Variants in UPF2 observed in about 807,000 individuals in gnomAD.
UPF2 encodes UPF2 regulator of nonsense mediated mRNA decay.
In UPF2, 17 loss-of-function variants were observed where a neutral mutation model predicts 141.4. The ratio of observed to expected loss-of-function variants is 0.12; its 90% CI spans 0.08 to 0.18. The LOEUF (loss-of-function observed/expected upper bound fraction) is 0.18, where lower values mean the gene tolerates loss of function less well. Among genes scored for constraint, UPF2 ranks in the 10% least tolerant of loss-of-function variants. The pLI is 1.00. For synonymous variants in UPF2, 540 were observed against 498.0 expected (o/e 1.08, Z -1.12); for missense variants, 1,152 against 1,515.9 (o/e 0.76, Z 3.99).
intron 8 of UPF2, among the ~76,000 whole-genome samples, chr10:11,986,131 G>A (rs1480477519): frequency 2.0e-5 from 3 of 151,784 alleles, no homozygotes; most frequent in African/African-American, 4.8e-5. Context: ...TGATCCGCCC[G>A]CCTCAGCCTC....
rs935515536 is a variant in UPF2, at chr10:12,019,721, GT to G, written c.1146-5538del. Among the ~76,000 whole-genome samples, 7 of 151,148 alleles carry G rather than the reference GT, an allele frequency of 4.6e-5. No homozygotes were observed. Among genetic ancestry groups the G allele is most frequent in the East Asian group, 1.9e-4 (1 of 5,146 alleles). ...ACGTCAGTCCTTGATTTTATGGAGT[GT>G]TTTTTTTTGTTTTGTTTTTGAGATG... On this transcript the variant is annotated intron_variant, in intron 3 of 21. Transcript: ENST00000357604. This position sits in a 1 kb window ranked among gnomAD's most constrained non-coding sequence, Gnocchi z 4.5.
Position 11,964,034 on chromosome 10 carries a change from G to C in UPF2, c.2159C>G (p.Ser720Cys). 1 of 1,613,846 alleles carries C rather than the reference G, an allele frequency of 6.2e-7. No homozygotes were observed. Among genetic ancestry groups the C allele is most frequent in the South Asian group, 1.1e-5 (1 of 91,048 alleles). Residue 720 changes from serine (S) to cysteine (C), a missense_variant, in exon 11 of 22, where the codon TCT becomes TGT. This residue lies in a region of UPF2 where 739 missense variants were observed against 1,032.2 expected (regional missense o/e 0.72). Coordinates refer to ENST00000357604, the MANE Select transcript of UPF2 (RefSeq NM_015542.4). ...CGRFLFRSPE[S>C]HLRTSVLLEQ... ...CAAAAGTACACTGGTCCTCAGGTGA[G>C]ATTCTGGAGATCTGAAAAGAAACCG...
chr10:11,970,730 T>A (rs117899155), intron 9 of UPF2, among the ~76,000 whole-genome samples: 13,067 of 152,180 alleles, frequency 0.086, 716 homozygotes, highest in Non-Finnish European at 0.13. Flanking sequence ...AAGAATTGCT[T>A]CAACCTGGGA....
At chr10:12,001,188 C>T (rs796687792) in intron 6 of UPF2, among the ~76,000 whole-genome samples, 3 of 152,056 alleles carry the variant, frequency 2.0e-5, no homozygotes, top group Non-Finnish European at 4.4e-5. Flanking sequence ...CCAAGGCGGG[C>T]GGATCACCTG....
chr10:12,013,838 G>A (rs760856796), intron 4 of UPF2, among the ~76,000 whole-genome samples, 186 bp downstream of exon 4: 15 of 152,014 alleles, frequency 9.9e-5, no homozygotes, highest in African/African-American at 1.7e-4. Flanking sequence ...GGTCTCAAGC[G>A]ATCCTCTTAC....
intron 2 of UPF2, among the ~76,000 whole-genome samples, chr10:12,033,564 C>T (rs1834566981): frequency 1.3e-5 from 2 of 151,992 alleles, no homozygotes; most frequent in Non-Finnish European, 2.9e-5. Flanking sequence ...AATATATTAG[C>T]AAATATCCTT....
chr10:12,023,414 C>T (rs926154689), intron 3 of UPF2, among the ~76,000 whole-genome samples: 21 of 151,016 alleles, frequency 1.4e-4, no homozygotes, highest in African/African-American at 4.1e-4. Context: ...GTGGATCACA[C>T]CTGTAATCCT....
intron 3 of UPF2, among the ~76,000 whole-genome samples, chr10:12,028,111 A>C (rs1235620925): frequency 6.6e-6 from 1 of 152,116 alleles, no homozygotes; most frequent in Non-Finnish European, 1.5e-5. Flanking sequence ...ACCTTTTAAC[A>C]ACCAAAATTG....
Position 11,996,104 on chromosome 10 carries a change from G to C in UPF2, c.1844+1568C>G, listed in dbSNP as rs572915003. Reference sequence around the variant, plus strand: ...GCTGTATGAATACAAGAACTAAGATGATCTTGTTCACCCCTGTACTGTATC... The same window carrying C: ...GCTGTATGAATACAAGAACTAAGATCATCTTGTTCACCCCTGTACTGTATC... On this transcript the variant is annotated intron_variant, in intron 8 of 21. Coordinates refer to ENST00000357604, the MANE Select transcript of UPF2 (RefSeq NM_015542.4). Among the ~76,000 whole-genome samples, 11 of 152,168 alleles carry C rather than the reference G, an allele frequency of 7.2e-5. No individual in the cohort carries two copies. In the South Asian group the frequency reaches 2.3e-3, roughly 32 times the overall value.
intron 15 of UPF2, 96 bp downstream of exon 15, chr10:11,951,970 T>C (rs1479994276): frequency 1.6e-6 from 2 of 1,275,012 alleles, no homozygotes; most frequent in Non-Finnish European, 2.2e-6. Context: ...ATAGAAAAGA[T>C]ACAATGTAAG....
intron 21 of UPF2, among the ~76,000 whole-genome samples, chr10:11,924,707 G>T (rs1319997593): frequency 6.6e-6 from 1 of 151,844 alleles, no homozygotes; most frequent in Non-Finnish European, 1.5e-5. Context: ...CTTCCACCTC[G>T]ACCTCCCAAA....
intron 14 of UPF2, among the ~76,000 whole-genome samples, chr10:11,955,011 T>C (rs1249836941): frequency 6.6e-6 from 1 of 151,970 alleles, no homozygotes; most frequent in African/African-American, 2.4e-5. Flanking sequence ...TAATGACCAA[T>C]CATTATCAAT....
At chr10:11,969,673 T>TA (rs1833382900) in intron 9 of UPF2, among the ~76,000 whole-genome samples, 2 of 152,306 alleles carry the variant, frequency 1.3e-5, no homozygotes, top group South Asian at 4.1e-4. Flanking sequence ...TACATGCACA[T>TA]AAAAAACTTC....
chr10:11,939,380 G>C lies in UPF2; in HGVS notation c.3379-2668C>G, dbSNP rs1832908034. ...TCAACTTTATTTTTGTTTATTGTCT[G>C]TTTTCCCTTAACTGATTTGCAACGT... On this transcript the variant is annotated intron_variant, in intron 18 of 21. Coordinates refer to ENST00000357604, the MANE Select transcript of UPF2 (RefSeq NM_015542.4). This position sits in a 1 kb window ranked among gnomAD's most constrained non-coding sequence, Gnocchi z 4.8. 6.6e-6 allele frequency among the ~76,000 whole-genome samples: 1 copy of C among 151,962 alleles called. No individual in the cohort carries two copies. The highest frequency in any genetic ancestry group is 6.5e-5 in the Admixed American group (1 of 15,268).
chr10:12,020,379 G>A (rs1259351641), intron 3 of UPF2, among the ~76,000 whole-genome samples: 2 of 151,900 alleles, frequency 1.3e-5, no homozygotes, highest in Admixed American at 6.6e-5. Context: ...AGCCTCCTGA[G>A]TAGCTGGGAT....
At chr10:12,015,804 T>C (rs1834208982) in intron 3 of UPF2, among the ~76,000 whole-genome samples, 1 of 152,226 alleles carries the variant, frequency 6.6e-6, no homozygotes, top group African/African-American at 2.4e-5. Flanking sequence ...CATAGATTCA[T>C]GAAATCCAGT....
chr10:11,984,418 C>T (rs1833653115), intron 8 of UPF2, among the ~76,000 whole-genome samples: 1 of 151,980 alleles, frequency 6.6e-6, no homozygotes, highest in South Asian at 2.1e-4. Context: ...AATATATTTT[C>T]TACACACTTC....
At chr10:12,012,056 A>T (rs539227185) in intron 4 of UPF2, among the ~76,000 whole-genome samples, 2 of 152,074 alleles carry the variant, frequency 1.3e-5, no homozygotes, top group South Asian at 4.2e-4. Flanking sequence ...CACCTAAATC[A>T]ATACCCAAGT....
At chr10:11,938,642 A>G (rs1227125554) in intron 18 of UPF2, among the ~76,000 whole-genome samples, 1 of 147,148 alleles carries the variant, frequency 6.8e-6, no homozygotes, top group Non-Finnish European at 1.5e-5. Flanking sequence ...CTTTCACACA[A>G]TAAAAAAAAA....
Sources: gnomAD v4.1 joint callset for allele counts (sites outside exome capture counted in the v4.1 genomes callset) on GRCh38, gnomAD v4.1.1 for gene constraint, gnomAD v4.1.1 regional missense constraint, Gnocchi (gnomAD v3.1) non-coding constraint, MANE v1.5 for transcripts, NCBI Gene and HGNC (gene_info 2026-07-23, HGNC 2026-07-21) for gene names.